COPG2: variants seen among roughly 807,000 people sequenced by gnomAD.
The protein encoded by COPG2 is coat protein complex I subunit gamma 2.
COPG2 carries 37 observed loss-of-function variants against 46.3 expected under a neutral mutation model. The ratio of observed to expected loss-of-function variants is 0.80; its 90% CI spans 0.61 to 1.05. The LOEUF is 1.05. Among genes scored for constraint, COPG2 ranks in the 50% least tolerant of loss-of-function variants. COPG2 has a pLI of 0.00. For synonymous variants in COPG2, 159 were observed against 129.7 expected, an observed-to-expected ratio of 1.23 and a Z score of -1.53; for missense variants, 427 against 387.8, an observed-to-expected ratio of 1.10 and a Z score of -0.85.
chr7:130,607,248 A>G (rs1450903482), intron 9 of COPG2, among the ~76,000 whole-genome samples: 3 of 96,988 alleles, frequency 3.1e-5, no homozygotes, highest in African/African-American at 1.1e-4. Flanking sequence ...GTCATAAATA[A>G]ATAAATAAAT....
Position 130,667,552 on chromosome 7 carries a change from C to CAA in COPG2, c.38-20_38-19dup. 2 of 1,606,110 alleles carry CAA rather than the reference C, an allele frequency of 1.2e-6. No individual in the cohort carries two copies. The highest frequency in any genetic ancestry group is 1.7e-6 in the Non-Finnish European group (2 of 1,175,462). On this transcript the variant is annotated intron_variant, in intron 1 of 23. Transcript: ENST00000425248. ...GCCACTACCTATTTATAAAACAAAA[C>CAA]AAAAAAATGTCCTGAACAGCTGTTC...
chr7:130,652,696 A>G (rs1240284623), intron 5 of COPG2, among the ~76,000 whole-genome samples, 173 bp downstream of exon 5: 1 of 152,162 alleles, frequency 6.6e-6, no homozygotes, highest in African/African-American at 2.4e-5. Flanking sequence ...CCTTTGCTTT[A>G]TCAGATAAGG....
At chr7:130,651,765 C>T (rs1795752856) in intron 5 of COPG2, among the ~76,000 whole-genome samples, 1 of 151,756 alleles carries the variant, frequency 6.6e-6, no homozygotes, top group Admixed American at 6.6e-5. Flanking sequence ...ATCCACCCGC[C>T]TCGGCCTCCC....
At chr7:130,619,294 T>C (rs1554453290) in intron 5 of COPG2, among the ~76,000 whole-genome samples, 1 of 152,208 alleles carries the variant, frequency 6.6e-6, no homozygotes, top group Non-Finnish European at 1.5e-5. Context: ...TTCACTATAA[T>C]AGCCATATGT....
chr7:130,551,761 T>C (rs1425553660), intron 15 of COPG2, among the ~76,000 whole-genome samples: 1 of 152,222 alleles, frequency 6.6e-6, no homozygotes, highest in African/African-American at 2.4e-5. Flanking sequence ...ACAATTTGTT[T>C]TACGTAAACT....
At chr7:130,661,964 A>G (rs539109711) in intron 4 of COPG2, among the ~76,000 whole-genome samples, 6 of 152,296 alleles carry the variant, frequency 3.9e-5, no homozygotes, top group African/African-American at 1.4e-4. Flanking sequence ...TGCAAATTGA[A>G]TTCACACTCT....
chr7:130,634,488 A>AT (rs1210461840), intron 5 of COPG2, among the ~76,000 whole-genome samples: 1 of 152,162 alleles, frequency 6.6e-6, no homozygotes, highest in Non-Finnish European at 1.5e-5. Context: ...GCAATTGTGA[A>AT]TGGGAGTTCA....
chr7:130,556,742 T>C (rs911256373), intron 12 of COPG2, among the ~76,000 whole-genome samples: 17 of 151,926 alleles, frequency 1.1e-4, no homozygotes, highest in Admixed American at 9.8e-4. Context: ...CATTAGAAAA[T>C]TGATAAAATA....
Position 130,506,601 on chromosome 7 carries a change from G to C in COPG2, c.*75C>G. Reference sequence around the variant, plus strand: ...CATTCATCTTCAAAAGTCTGATTCTGGGAAACTGATGCCACTAGCCTAAAA... The same window carrying C: ...CATTCATCTTCAAAAGTCTGATTCTCGGAAACTGATGCCACTAGCCTAAAA... On this transcript the variant is annotated 3_prime_UTR_variant, in exon 24 of 24. Coordinates refer to ENST00000425248, the MANE Select transcript of COPG2 (RefSeq NM_012133.6). 5 of 565,502 alleles carry C rather than the reference G, an allele frequency of 8.8e-6. No individual in the cohort carries two copies. The highest frequency in any genetic ancestry group is 1.6e-5 in the Non-Finnish European group (5 of 309,586). 35.0% of individuals were successfully genotyped at this position (565,502 alleles called of 1,614,324 possible). A position where few individuals can be genotyped will look rare whatever the true frequency, so the allele number is the denominator to read the frequency against.
intron 9 of COPG2, among the ~76,000 whole-genome samples, chr7:130,590,189 T>C (rs1584987018): frequency 6.7e-6 from 1 of 150,256 alleles, no homozygotes; most frequent in South Asian, 2.1e-4. Context: ...TCAGGAGAGC[T>C]CTCCCTCTCC....
intron 20 of COPG2, among the ~76,000 whole-genome samples, chr7:130,540,219 T>C (rs1799923021): frequency 6.6e-6 from 1 of 152,086 alleles, no homozygotes; most frequent in Non-Finnish European, 1.5e-5. Context: ...GTGGGTTACA[T>C]ATCTAATGTT....
chr7:130,599,269 G>A (rs376701440), intron 9 of COPG2, among the ~76,000 whole-genome samples: 1 of 152,176 alleles, frequency 6.6e-6, no homozygotes, highest in African/African-American at 2.4e-5. Flanking sequence ...TAGAGGCTAT[G>A]GGCTGGTAAG....
intron 5 of COPG2, among the ~76,000 whole-genome samples, chr7:130,648,469 A>C (rs2116226281): frequency 6.6e-6 from 1 of 152,254 alleles, no homozygotes; most frequent in Middle Eastern, 3.4e-3. Context: ...CAAAAATCTC[A>C]ATCTTATTAT....
At chr7:130,518,856 A>G (rs1414407195) in intron 20 of COPG2, among the ~76,000 whole-genome samples, 2 of 152,078 alleles carry the variant, frequency 1.3e-5, no homozygotes, top group Non-Finnish European at 2.9e-5. Flanking sequence ...ATACAAAAAA[A>G]TTAGCTGGGA....
intron 9 of COPG2, among the ~76,000 whole-genome samples, chr7:130,578,102 G>C (rs1794048912): frequency 6.6e-6 from 1 of 152,040 alleles, no homozygotes; most frequent in Non-Finnish European, 1.5e-5. Context: ...GTCCCTGTCT[G>C]ACAGCTTTGA....
intron 20 of COPG2, among the ~76,000 whole-genome samples, chr7:130,527,710 T>C (rs1391169509): frequency 0.92 from 139,222 of 151,840 alleles, 63,998 homozygotes; most frequent in Middle Eastern, 0.95. Flanking sequence ...GCCGGGCAGA[T>C]ACGTGGAGTG....
intron 5 of COPG2, among the ~76,000 whole-genome samples, chr7:130,629,299 C>T (rs1318938049): frequency 6.6e-6 from 1 of 151,696 alleles, no homozygotes; most frequent in African/African-American, 2.4e-5. Context: ...TCTGGACATG[C>T]ATTTTGTTGT....
chr7:130,524,711 TAAGC>T (rs1285553095), intron 20 of COPG2, among the ~76,000 whole-genome samples: 1 of 151,804 alleles, frequency 6.6e-6, no homozygotes, highest in African/African-American at 2.4e-5. Context: ...GTGGGTAAGA[TAAGC>T]AAGGAATGAA....
chr7:130,603,460 C>G (rs553013825), intron 9 of COPG2, among the ~76,000 whole-genome samples: 13 of 152,084 alleles, frequency 8.5e-5, no homozygotes, highest in Non-Finnish European at 1.6e-4. Context: ...TGGCTCATGC[C>G]TGTAATCCCA....
Sources: allele counts gnomAD v4.1 joint callset (sites outside exome capture counted in the v4.1 genomes callset), GRCh38; gene constraint gnomAD v4.1.1; transcripts MANE v1.5; gene names NCBI Gene and HGNC (gene_info 2026-07-23, HGNC 2026-07-21).